Variants in NRXN2 observed in about 807,000 individuals in gnomAD.
NRXN2 encodes the protein neurexin 2, also known as neurexin-2-beta.
In NRXN2, 29 loss-of-function variants were observed where a neutral mutation model predicts 128.8. The ratio of observed to expected loss-of-function variants is 0.23; its 90% CI spans 0.17 to 0.31. The LOEUF is 0.31. NRXN2 is among the 10% of genes least tolerant of loss of function. NRXN2 has a pLI of 1.00. For synonymous variants in NRXN2, 1,098 were observed against 1,075.2 expected, an observed-to-expected ratio of 1.02 and a Z score of -0.41; for missense variants, 1,881 against 2,452.6, an observed-to-expected ratio of 0.77 and a Z score of 4.92.
intron 7 of NRXN2, among the ~76,000 whole-genome samples, chr11:64,674,322 C>T (rs1349836287): frequency 6.6e-6 from 1 of 152,136 alleles, no homozygotes; most frequent in African/African-American, 2.4e-5. Context: ...TCCCGAGTAG[C>T]TGGGATTACA....
chr11:64,677,266 G>C (rs1170695003), intron 6 of NRXN2, among the ~76,000 whole-genome samples: 1 of 152,072 alleles, frequency 6.6e-6, no homozygotes, highest in Non-Finnish European at 1.5e-5. Flanking sequence ...TATAATGGGG[G>C]GAGGAGAAAT....
At chr11:64,636,815 AC>A (rs1459902010) in intron 17 of NRXN2, among the ~76,000 whole-genome samples, 2 of 152,010 alleles carry the variant, frequency 1.3e-5, no homozygotes, top group Non-Finnish European at 2.9e-5. Flanking sequence ...CCAGTTGGTA[AC>A]ACTAGGCCGG....
rs926255517 is a variant in NRXN2 at position 64,688,493 on chromosome 11, G to A, written c.850+1912C>T. ...AAGGGACTGGTGGAGGGATTCTACT[G>A]GGGTGAGCCTGTAGGGGCGGCGGAG... On this transcript the variant is annotated intron_variant, in intron 5 of 22. Transcript: ENST00000265459. The A allele has an allele frequency of 5.1e-6, 5 of 985,434 alleles. 1 individual carries two copies. Among genetic ancestry groups the A allele is most frequent in the Middle Eastern group, 1.0e-3 (2 of 1,914 alleles). The allele number at this position is 985,434 out of a possible 1,614,324, so 61.0% of individuals were successfully genotyped here. A position where few individuals can be genotyped will look rare whatever the true frequency, so the allele number is the denominator to read the frequency against.
chr11:64,691,666 G>A (rs936903643), intron 4 of NRXN2, among the ~76,000 whole-genome samples: 3 of 152,130 alleles, frequency 2.0e-5, no homozygotes, highest in Admixed American at 2.0e-4. Flanking sequence ...ATAGAACCAG[G>A]CACTGAGAGG....
chr11:64,620,534 G>C (rs561122027), intron 21 of NRXN2, among the ~76,000 whole-genome samples, 162 bp from the exon 22 acceptor site: 1 of 151,932 alleles, frequency 6.6e-6, no homozygotes, highest in Non-Finnish European at 1.5e-5. Context: ...GGCTGACCTC[G>C]GGCCTCCATT....
At chr11:64,610,880 T>G (rs1006815208) in intron 22 of NRXN2, among the ~76,000 whole-genome samples, 3 of 152,196 alleles carry the variant, frequency 2.0e-5, no homozygotes, top group Non-Finnish European at 4.4e-5. Context: ...TCCTTCCTGC[T>G]GGTCCATACC....
chr11:64,709,190 CAAAAAAA>C lies in NRXN2; in HGVS notation c.730+3773_730+3779del, dbSNP rs112450142. Among the ~76,000 whole-genome samples the C allele has an allele frequency of 5.2e-3, 430 of 83,458 alleles. 3 individuals are homozygous for C. The highest frequency in any genetic ancestry group is 0.016 in the African/African-American group (393 of 24,140). 54.8% of individuals were successfully genotyped at this position (83,458 alleles called of 152,430 possible). A position where few individuals can be genotyped will look rare whatever the true frequency, so the allele number is the denominator to read the frequency against. On this transcript the variant is annotated intron_variant, in intron 2 of 22. Transcript: ENST00000265459. ...CTAGGCACAGAGCGAGACTCCATCT[CAAAAAAA>C]AAAAAAAAAAAAAAAAGTCCTCAGT...
Position 64,713,472 on chromosome 11 carries a change from G to A in NRXN2, c.228C>T (p.Asp76=), listed in dbSNP as rs759113005. 7.8e-6 allele frequency: 12 copies of A among 1,533,706 alleles called. No homozygotes were observed. The highest frequency in any genetic ancestry group is 1.2e-5 in the South Asian group (1 of 83,352). Reference sequence around the variant, plus strand: ...CGTCCACCAGCAGCAGCTCCAGGAAGTCGCAGTCGCCGCCGTCGTCCAGGT... The same window carrying A: ...CGTCCACCAGCAGCAGCTCCAGGAAATCGCAGTCGCCGCCGTCGTCCAGGT... ...LLYLDDGGDC[D]FLELLLVDGR... is the part of the protein sequence containing the mutation. Residue 76 remains aspartate (D), a synonymous_variant, in exon 2 of 23, where the codon GAC becomes GAT. Coordinates refer to ENST00000265459, the MANE Select transcript of NRXN2 (RefSeq NM_015080.4).
At chr11:64,650,659 G>A in intron 14 of NRXN2, 21 bp from the exon 15 acceptor site, 1 of 1,612,722 alleles carries the variant, frequency 6.2e-7, no homozygotes, top group Non-Finnish European at 8.5e-7. Flanking sequence ...GTAGGGAGGA[G>A]ACACTGGGTC....
Position 64,626,591 on chromosome 11 carries a change from G to A in NRXN2, c.3758-39C>T, listed in dbSNP as rs71579866. 4.3e-3 allele frequency: 6,449 copies of A among 1,495,180 alleles called. 21 individuals are homozygous for A. The highest frequency in any genetic ancestry group is 5.4e-3 in the Non-Finnish European group (5,784 of 1,071,592). 92.6% of individuals were successfully genotyped at this position (1,495,180 alleles called of 1,614,324 possible). ...AGAAAGACAGTAGGTTTCTCAGGCA[G>A]CGAAGTCCAAAGGAGTTAGAAAAGT... On this transcript the variant is annotated intron_variant, in intron 19 of 22. Coordinates refer to ENST00000265459, the MANE Select transcript of NRXN2 (RefSeq NM_015080.4).
chr11:64,666,525 T>A (rs1270350369), intron 9 of NRXN2, among the ~76,000 whole-genome samples: 2 of 151,416 alleles, frequency 1.3e-5, no homozygotes, highest in Admixed American at 1.3e-4. Flanking sequence ...TTTTTTTAAG[T>A]TGAATGGCTC....
intron 11 of NRXN2, among the ~76,000 whole-genome samples, chr11:64,655,875 G>T (rs1202698019): frequency 6.6e-6 from 1 of 152,232 alleles, no homozygotes; most frequent in Non-Finnish European, 1.5e-5. Flanking sequence ...AGTTCAGGGG[G>T]CACTAACTAG....
intron 9 of NRXN2, among the ~76,000 whole-genome samples, chr11:64,665,350 G>T (rs1177677422): frequency 6.6e-6 from 1 of 152,148 alleles, no homozygotes; most frequent in Non-Finnish European, 1.5e-5. Context: ...GGAATCCAAA[G>T]ACTGGCCACA....
Position 64,651,964 on chromosome 11 carries a change from T to C in NRXN2, c.2536+71A>G. On this transcript the variant is annotated intron_variant, in intron 13 of 22. Transcript: ENST00000265459. The surrounding 1 kb of genome is among the most constrained non-coding windows in gnomAD (Gnocchi z 5.9). The stretch of plus-strand genomic sequence containing the variant: ...CTAGGAATGGCAGCCCAGGCAGTAG[T>C]CACCAAGTAGAACAGGGCCAAGCAT... 7 of 1,599,058 alleles carry C rather than the reference T, an allele frequency of 4.4e-6. No homozygotes were observed. The highest frequency in any genetic ancestry group is 5.9e-6 in the Non-Finnish European group (7 of 1,177,688).
chr11:64,676,953 A>G (rs555552383), intron 7 of NRXN2, 40 bp downstream of exon 7: 3 of 1,591,608 alleles, frequency 1.9e-6, no homozygotes, highest in East Asian at 4.5e-5. Flanking sequence ...AAAAAAACCC[A>G]CGGCAAACCA....
chr11:64,660,380 G>A lies in NRXN2; in HGVS notation c.2341C>T (p.Leu781=), dbSNP rs2048856525. 2.5e-6 allele frequency: 4 copies of A among 1,614,074 alleles called. No homozygotes were observed. The South Asian group carries it at 3.3e-5, about 13-fold the overall frequency. The part of the protein sequence containing the change: ...ATTSRESADT[L]RLELDGGQMK... ...TGCCCCCCATCCAGCTCCAGGCGTA[G>A]GGTGTCGGCAGACTCCCTGGAAGTG... The change falls in exon 11 of 23, where the codon CTA becomes TTA. Residue 781 remains leucine, a synonymous_variant. Transcript: ENST00000265459. The surrounding 1 kb of genome is among the most constrained non-coding windows in gnomAD (Gnocchi z 5.2).
In NRXN2 at chr11:64,607,850, G is replaced by A. The variant is rs1367558682; in HGVS notation, c.4485C>T (p.Phe1495=). 5.0e-6 allele frequency: 8 copies of A among 1,597,748 alleles called. No homozygotes were observed. The highest frequency in any genetic ancestry group is 4.5e-5 in the South Asian group (4 of 88,200). ...TGGAGTCAAAGACCTCCCCGGAGGC[G>A]AAGCCCGAGGCCTCGATGGGCTCCT... ...DCEEPIEASG[F]ASGEVFDSSL... The change falls in exon 23 of 23, where the codon TTC becomes TTT. Residue 1495 remains phenylalanine, a synonymous_variant. Coordinates refer to ENST00000265459, the MANE Select transcript of NRXN2 (RefSeq NM_015080.4).
chr11:64,656,475 T>C (rs935277002), intron 11 of NRXN2, among the ~76,000 whole-genome samples: 1 of 151,670 alleles, frequency 6.6e-6, no homozygotes, highest in African/African-American at 2.4e-5. Context: ...ATGATCAGAA[T>C]GGATCTTGGA....
intron 1 of NRXN2, among the ~76,000 whole-genome samples, chr11:64,720,789 T>A (rs2057414725): frequency 6.6e-6 from 1 of 151,960 alleles, no homozygotes; most frequent in Non-Finnish European, 1.5e-5. Flanking sequence ...CAGGGACTGG[T>A]GTGTCTGGGA....
Sources: gnomAD v4.1 joint callset for allele counts (sites outside exome capture counted in the v4.1 genomes callset) on GRCh38, gnomAD v4.1.1 for gene constraint, Gnocchi (gnomAD v3.1) non-coding constraint, MANE v1.5 for transcripts, NCBI Gene and HGNC (gene_info 2026-07-23, HGNC 2026-07-21) for gene names.